Variants in CDH18 observed in about 807,000 individuals in gnomAD.
CDH18 encodes the protein cadherin-18.
Under a neutral mutation model 67.9 loss-of-function variants are expected in CDH18, and 31 were observed. That is an observed-to-expected ratio of 0.46 (90% CI 0.34 to 0.62). The LOEUF (loss-of-function observed/expected upper bound fraction) is 0.62, where lower values mean the gene tolerates loss of function less well. Ranked by LOEUF, CDH18 falls within the 20% of genes least tolerant of loss-of-function variation. The pLI is 0.01. For missense variants in CDH18, 890 were observed against 975.5 expected (o/e 0.91, Z 1.17); for synonymous variants, 362 against 347.2 (o/e 1.04, Z -0.48).
intron 7 of CDH18, among the ~76,000 whole-genome samples, chr5:19,590,487 T>A (rs947321916): frequency 6.7e-6 from 1 of 149,302 alleles, no homozygotes; most frequent in Non-Finnish European, 1.5e-5. Context: ...GACAGATGGA[T>A]AGATAGATAG....
chr5:19,602,206 A>G (rs1370507523), intron 6 of CDH18, among the ~76,000 whole-genome samples: 2 of 152,116 alleles, frequency 1.3e-5, no homozygotes, highest in African/African-American at 4.8e-5. Flanking sequence ...AGCCATAGGG[A>G]GTACACAAAT....
chr5:19,949,586 T>C (rs1795592338), intron 2 of CDH18, among the ~76,000 whole-genome samples: 1 of 152,132 alleles, frequency 6.6e-6, no homozygotes, highest in Admixed American at 6.6e-5. Context: ...AATAGAATAT[T>C]CAAACAAGTA....
At chr5:20,039,737 A>G (rs1462864892) in intron 2 of CDH18, among the ~76,000 whole-genome samples, 1 of 152,226 alleles carries the variant, frequency 6.6e-6, no homozygotes. Flanking sequence ...CTAAAACCAT[A>G]AAAACCCTAG....
At chr5:20,106,682 TTTG>T (rs1265917638) in intron 2 of CDH18, among the ~76,000 whole-genome samples, 1 of 152,234 alleles carries the variant, frequency 6.6e-6, no homozygotes, top group Non-Finnish European at 1.5e-5. Context: ...TGTTTCTTTA[TTTG>T]TTTTAATGTA....
chr5:20,402,556 T>C (rs1745861673), intron 1 of CDH18, among the ~76,000 whole-genome samples: 1 of 152,230 alleles, frequency 6.6e-6, no homozygotes, highest in African/African-American at 2.4e-5. Context: ...TTTTTATTGG[T>C]TTCCCAGTGC....
intron 1 of CDH18, among the ~76,000 whole-genome samples, chr5:20,412,762 C>G (rs1413865028): frequency 6.6e-6 from 1 of 152,148 alleles, no homozygotes; most frequent in Non-Finnish European, 1.5e-5. Context: ...CAGAGAAATT[C>G]AAATTAAAGC....
chr5:19,751,140 A>G (rs537774717), intron 3 of CDH18, among the ~76,000 whole-genome samples: 2 of 152,306 alleles, frequency 1.3e-5, no homozygotes, highest in African/African-American at 4.8e-5. Context: ...CGTGACTCAC[A>G]TGAGTTCACT....
At chr5:20,143,083 T>C (rs1750372122) in intron 2 of CDH18, among the ~76,000 whole-genome samples, 1 of 152,150 alleles carries the variant, frequency 6.6e-6, no homozygotes, top group Admixed American at 6.6e-5. Context: ...TTAGTAAAAC[T>C]ATGGACATTA....
chr5:20,370,768 GTGGC>G (rs1742921849), intron 1 of CDH18, among the ~76,000 whole-genome samples: 5 of 152,176 alleles, frequency 3.3e-5, no homozygotes. Context: ...GCTGGGCACA[GTGGC>G]TCGCGCCTGT....
At chr5:20,179,524 G>A (rs1444409756) in intron 2 of CDH18, among the ~76,000 whole-genome samples, 5 of 152,130 alleles carry the variant, frequency 3.3e-5, no homozygotes, top group African/African-American at 1.2e-4. Flanking sequence ...GTGTACTACT[G>A]TCACCAGTAG....
chr5:19,493,099 ACT>A (rs1437069754), intron 11 of CDH18, among the ~76,000 whole-genome samples: 1 of 151,890 alleles, frequency 6.6e-6, no homozygotes, highest in Non-Finnish European at 1.5e-5. Flanking sequence ...TCTCTGAGTC[ACT>A]CTCCCTGGTG....
chr5:20,171,363 A>T (rs1487854559), intron 2 of CDH18, among the ~76,000 whole-genome samples: 3 of 152,016 alleles, frequency 2.0e-5, no homozygotes. Flanking sequence ...TTTATCTGCA[A>T]CCTAGCCAGC....
Position 19,924,483 on chromosome 5 carries a change from C to T in CDH18, c.-257+56577G>A, listed in dbSNP as rs548255419. ...AAAACCCCATCTCTGGAGTTTAGCT[C>T]GGAGTGGTGGCAGGCGCCTATAATC... On this transcript the variant is annotated intron_variant, in intron 2 of 12. Transcript: ENST00000382275. 7.2e-5 allele frequency among the ~76,000 whole-genome samples: 11 copies of T among 151,760 alleles called. No individual in the cohort carries two copies. In the South Asian group the frequency reaches 2.1e-3, roughly 29 times the overall value.
chr5:20,519,580 C>T (rs1046907399), intron 1 of CDH18, among the ~76,000 whole-genome samples: 4 of 151,716 alleles, frequency 2.6e-5, no homozygotes, highest in African/African-American at 7.3e-5. Flanking sequence ...TGTAACAAAC[C>T]CGCACATTGT....
At chr5:20,160,310 C>T (rs1751877737) in intron 2 of CDH18, among the ~76,000 whole-genome samples, 1 of 152,158 alleles carries the variant, frequency 6.6e-6, no homozygotes, top group Admixed American at 6.5e-5. Context: ...GAGTCAAAGA[C>T]TAATCCAAGA....
chr5:20,047,446 C>G (rs1055821988), intron 2 of CDH18, among the ~76,000 whole-genome samples: 1 of 151,764 alleles, frequency 6.6e-6, no homozygotes, highest in Non-Finnish European at 1.5e-5. Context: ...AGTAGAAATG[C>G]TTAGGGAATC....
chr5:20,151,114 C>A (rs1751061883), intron 2 of CDH18, among the ~76,000 whole-genome samples: 1 of 151,820 alleles, frequency 6.6e-6, no homozygotes, highest in South Asian at 2.1e-4. Flanking sequence ...AGTGAGCATA[C>A]CACCCAATAG....
intron 2 of CDH18, among the ~76,000 whole-genome samples, chr5:19,851,732 AAT>A (rs1475478547): frequency 4.0e-5 from 6 of 150,768 alleles, no homozygotes; most frequent in Non-Finnish European, 7.4e-5. Context: ...CTTACTGGGG[AAT>A]ATATATGTGT....
chr5:20,494,039 C>A (rs1561062014), intron 1 of CDH18, among the ~76,000 whole-genome samples: 1 of 151,642 alleles, frequency 6.6e-6, no homozygotes, highest in Non-Finnish European at 1.5e-5. Context: ...TACTTGAGTT[C>A]AGGAGTTTAA....
Sources: gnomAD v4.1 joint callset for allele counts (sites outside exome capture counted in the v4.1 genomes callset) on GRCh38, gnomAD v4.1.1 for gene constraint, MANE v1.5 for transcripts, NCBI Gene and HGNC (gene_info 2026-07-23, HGNC 2026-07-21) for gene names.